Variants in MAPK10 observed in about 807,000 individuals in gnomAD.
MAPK10 encodes the protein JNK3 alpha protein kinase.
A neutral mutation model predicts 59.3 loss-of-function variants in MAPK10; 25 were observed. The ratio of observed to expected loss-of-function variants is 0.42; its 90% CI spans 0.31 to 0.59. The LOEUF (loss-of-function observed/expected upper bound fraction) is 0.59, where lower values mean the gene tolerates loss of function less well. Among genes scored for constraint, MAPK10 ranks in the 20% least tolerant of loss-of-function variants. The pLI, the probability that MAPK10 is intolerant of heterozygous loss-of-function variation, is 0.15. For missense variants in MAPK10, 351 were observed against 568.9 expected (o/e 0.62, Z 3.90); for synonymous variants, 190 against 200.5 (o/e 0.95, Z 0.44).
At chr4:86,566,040 G>GGA (rs1260230681) in intron 1 of MAPK10, among the ~76,000 whole-genome samples, 29 of 152,130 alleles carry the variant, frequency 1.9e-4, no homozygotes, top group Admixed American at 1.9e-3. Context: ...TCTTCAGGAA[G>GGA]TCTTTTCCAA....
chr4:86,170,151 A>C (rs1317892344), intron 3 of MAPK10, among the ~76,000 whole-genome samples: 9 of 152,148 alleles, frequency 5.9e-5, no homozygotes, highest in Admixed American at 4.6e-4. Context: ...AACTGCATCA[A>C]CTAACGAGCA....
At chr4:86,487,451 C>T (rs183696595) in intron 1 of MAPK10, among the ~76,000 whole-genome samples, 7 of 151,608 alleles carry the variant, frequency 4.6e-5, no homozygotes, top group East Asian at 1.9e-4. Context: ...AAATCTGGGC[C>T]GGGTGCGGTG....
At chr4:86,030,297 A>G (rs1044030435) in intron 12 of MAPK10, among the ~76,000 whole-genome samples, 1 of 151,962 alleles carries the variant, frequency 6.6e-6, no homozygotes, top group African/African-American at 2.4e-5. Context: ...TCTCTTTAGT[A>G]TCTTTTAAAA....
At chr4:86,111,788 T>C in intron 4 of MAPK10, among the ~76,000 whole-genome samples, 1 of 152,196 alleles carries the variant, frequency 6.6e-6, no homozygotes. Flanking sequence ...TTTGGACTAG[T>C]TTCAGAAGAA....
chr4:86,320,592 T>C (rs1377277095), intron 2 of MAPK10, among the ~76,000 whole-genome samples: 1 of 152,242 alleles, frequency 6.6e-6, no homozygotes, highest in Non-Finnish European at 1.5e-5. Context: ...GAAAATTTTC[T>C]CCCATTTTGT....
intron 1 of MAPK10, among the ~76,000 whole-genome samples, chr4:86,537,718 C>T (rs1758356032): frequency 6.6e-6 from 1 of 152,114 alleles, no homozygotes; most frequent in African/African-American, 2.4e-5. Flanking sequence ...ACCTATTTTG[C>T]CAACCACTCC....
intron 11 of MAPK10, among the ~76,000 whole-genome samples, chr4:86,045,593 A>T (rs1297495631): frequency 6.6e-6 from 1 of 151,944 alleles, no homozygotes; most frequent in Non-Finnish European, 1.5e-5. Flanking sequence ...TGAAACTTCA[A>T]ATCTGCTAAT....
intron 4 of MAPK10, among the ~76,000 whole-genome samples, chr4:86,108,774 G>A (rs2056970141): frequency 6.6e-6 from 1 of 152,076 alleles, no homozygotes; most frequent in African/African-American, 2.4e-5. Context: ...GCCTTCCAGG[G>A]CAACTCAAAA....
chr4:86,465,258 T>C (rs1752094960), intron 1 of MAPK10, among the ~76,000 whole-genome samples: 1 of 152,204 alleles, frequency 6.6e-6, no homozygotes. Flanking sequence ...CCTTTTGCAG[T>C]GTTTGGTGGT....
rs192648168 is a variant in MAPK10 at position 86,409,393 on chromosome 4, T to C, written c.-122+43637A>G. Reference sequence around the variant, plus strand: ...GTCTTGGCTATGCAGGCTCTTTTTTTGGTTCCATATGAACTTTAAAGTAGT... The same window carrying C: ...GTCTTGGCTATGCAGGCTCTTTTTTCGGTTCCATATGAACTTTAAAGTAGT... On this transcript the variant is annotated intron_variant, in intron 1 of 13. Coordinates refer to the MAPK10 transcript ENST00000361569. Among the ~76,000 whole-genome samples, 956 of 152,322 alleles carry C rather than the reference T, an allele frequency of 6.3e-3. 6 individuals are homozygous for C. Among genetic ancestry groups the C allele is most frequent in the African/African-American group, 0.021 (856 of 41,574 alleles).
intron 2 of MAPK10, among the ~76,000 whole-genome samples, chr4:86,283,678 T>C (rs1392952131): frequency 6.6e-6 from 1 of 152,218 alleles, no homozygotes; most frequent in Non-Finnish European, 1.5e-5. Flanking sequence ...TTCATCAGGT[T>C]TGACTGCCTG....
At chr4:86,178,574 T>TA (rs1448192364) in intron 3 of MAPK10, among the ~76,000 whole-genome samples, 4 of 152,126 alleles carry the variant, frequency 2.6e-5, no homozygotes, top group African/African-American at 9.7e-5. Flanking sequence ...AACCCATAGC[T>TA]AACATCATAC....
At chr4:86,228,261 T>G (rs1563328138) in intron 2 of MAPK10, among the ~76,000 whole-genome samples, 1 of 152,278 alleles carries the variant, frequency 6.6e-6, no homozygotes, top group East Asian at 1.9e-4. Context: ...ATTGTTTGGC[T>G]TGTGTGTATA....
At chr4:86,265,140 C>T (rs1169738137) in intron 2 of MAPK10, among the ~76,000 whole-genome samples, 3 of 151,974 alleles carry the variant, frequency 2.0e-5, no homozygotes, top group Admixed American at 6.6e-5. Context: ...GTACCTGCCT[C>T]GGCCTCCCAA....
Position 86,317,724 on chromosome 4 carries a change from A to G in MAPK10, c.-7+36806T>C, listed in dbSNP as rs2095816990. Among the ~76,000 whole-genome samples, 4 of 152,222 alleles carry G rather than the reference A, an allele frequency of 2.6e-5. No individual in the cohort carries two copies. In the South Asian group the frequency reaches 6.2e-4, roughly 24 times the overall value. ...CTCTTCCAGGCTACATAAGGATGCCATAAATAATCCTGGAAATTATTTGCT... is the reference window on the plus strand; with the variant it reads ...CTCTTCCAGGCTACATAAGGATGCCGTAAATAATCCTGGAAATTATTTGCT... On this transcript the variant is annotated intron_variant, in intron 2 of 13. Transcript: ENST00000641462.
chr4:86,482,613 A>G (rs1753693186), intron 1 of MAPK10, among the ~76,000 whole-genome samples: 1 of 152,150 alleles, frequency 6.6e-6, no homozygotes, highest in Admixed American at 6.6e-5. Context: ...CTCTTCCCAT[A>G]AGCACTGTTT....
chr4:86,200,307 C>T (rs1239468778), intron 2 of MAPK10, among the ~76,000 whole-genome samples: 1 of 151,922 alleles, frequency 6.6e-6, no homozygotes, highest in African/African-American at 2.4e-5. Context: ...AGTCTGAAAA[C>T]CCCATGTGCC....
At chr4:86,216,031 A>G (rs1029645838) in intron 2 of MAPK10, among the ~76,000 whole-genome samples, 7 of 152,106 alleles carry the variant, frequency 4.6e-5, no homozygotes, top group Non-Finnish European at 4.4e-5. Flanking sequence ...AATGAAAATT[A>G]GTACAGCCAC....
At position 86,281,370 on chromosome 4, in the gene MAPK10, G is replaced by A. The variant is rs139443974; in HGVS notation, c.-7+73160C>T. ...AAAAAAATTAGCTGGGTGTGGTGGT[G>A]CACACCTGTAATGCCACCTACTTGG... On this transcript the variant is annotated intron_variant, in intron 2 of 13. Transcript: ENST00000641462. Among the ~76,000 whole-genome samples the A allele has an allele frequency of 5.9e-3, 891 of 151,994 alleles. 8 individuals carry two copies. The highest frequency in any genetic ancestry group is 0.02 in the African/African-American group (828 of 41,464).
Sources: allele counts gnomAD v4.1 joint callset (sites outside exome capture counted in the v4.1 genomes callset), GRCh38; gene constraint gnomAD v4.1.1; transcripts MANE v1.5; gene names NCBI Gene and HGNC (gene_info 2026-07-23, HGNC 2026-07-21).